SYTL4: variants seen among roughly 807,000 people sequenced by gnomAD.
SYTL4 encodes synaptotagmin like 4.
A neutral mutation model predicts 52.7 loss-of-function variants in SYTL4; 16 were observed. The observed-to-expected ratio is 0.30, with a 90% CI of 0.21 to 0.46. The LOEUF (loss-of-function observed/expected upper bound fraction) is 0.46. SYTL4 is among the 20% of genes least tolerant of loss of function. SYTL4 has a pLI of 1.00. For missense variants in SYTL4, 423 were observed against 519.9 expected, an observed-to-expected ratio of 0.81 and a Z score of 1.81; for synonymous variants, 160 against 186.6, an observed-to-expected ratio of 0.86 and a Z score of 1.16.
At chrX:100,694,031 G>A (rs147457699) in intron 8 of SYTL4, among the ~76,000 whole-genome samples, 2,021 of 112,132 alleles carry the variant, frequency 0.018, 21 homozygotes, top group Non-Finnish European at 0.029. Context: ...GTAAATGGAG[G>A]TGGCTACTTA....
chrX:100,690,336 A>C (rs1434234677), intron 10 of SYTL4, among the ~76,000 whole-genome samples, 171 bp from the exon 11 acceptor site: 1 of 111,810 alleles, frequency 8.9e-6, no homozygotes, highest in Non-Finnish European at 1.9e-5. Flanking sequence ...TTTCTCACAC[A>C]TTTCAAACAA....
chrX:100,698,392 T>C (rs773757153), intron 8 of SYTL4, among the ~76,000 whole-genome samples: 45 of 112,156 alleles, frequency 4.0e-4, no homozygotes, highest in South Asian at 7.7e-4. Context: ...AGTGAGCCAC[T>C]GTGCCCAGCC....
chrX:100,681,576 C>T (rs1429365922), intron 16 of SYTL4, among the ~76,000 whole-genome samples: 1 of 111,685 alleles, frequency 9.0e-6, no homozygotes, highest in Non-Finnish European at 1.9e-5. Flanking sequence ...CACTATTATG[C>T]CACTTTGGGG....
At chrX:100,702,594 T>C (rs1356280813) in intron 4 of SYTL4, among the ~76,000 whole-genome samples, 3 of 112,296 alleles carry the variant, frequency 2.7e-5, no homozygotes, top group Non-Finnish European at 3.8e-5. Flanking sequence ...CTTTCTGCTA[T>C]ACTTCAAAAC....
At chrX:100,722,687 T>TAAATAAATA (rs1277748712) in intron 2 of SYTL4, among the ~76,000 whole-genome samples, 1 of 111,393 alleles carries the variant, frequency 9.0e-6, no homozygotes, top group Non-Finnish European at 1.9e-5. Flanking sequence ...AATAAATAAA[T>TAAATAAATA]AACAGGTCCT....
chrX:100,687,468 T>C, intron 13 of SYTL4: 1 of 390,829 alleles, frequency 2.6e-6, no homozygotes. Context: ...CCTAGCCTCT[T>C]AGCTTCTCTT....
At chrX:100,724,280 C>T (rs1483610918) in intron 2 of SYTL4, among the ~76,000 whole-genome samples, 1 of 105,285 alleles carries the variant, frequency 9.5e-6, no homozygotes, top group Non-Finnish European at 2.0e-5. Flanking sequence ...CCAGCCGCCC[C>T]ATCCGGGAGG....
At chrX:100,685,007 T>C (rs769029468) in intron 16 of SYTL4, 1 of 112,850 alleles carries the variant, frequency 8.9e-6, no homozygotes, top group African/African-American at 3.2e-5. Flanking sequence ...ATAAAAAATT[T>C]CTAGAAGGAT....
intron 8 of SYTL4, among the ~76,000 whole-genome samples, chrX:100,700,381 T>G (rs1192412317): frequency 8.9e-6 from 1 of 112,339 alleles, no homozygotes; most frequent in Non-Finnish European, 1.9e-5. Context: ...AGATTAGCTA[T>G]TCTTTCATTT....
chrX:100,677,272 C>A (rs1259113597), intron 19 of SYTL4, among the ~76,000 whole-genome samples: 1 of 111,562 alleles, frequency 9.0e-6, no homozygotes, highest in Admixed American at 9.6e-5. Context: ...AGCAGAAAGT[C>A]ATTTTGGTTG....
chrX:100,717,074 T>C (rs887788137), intron 2 of SYTL4, among the ~76,000 whole-genome samples: 2 of 111,696 alleles, frequency 1.8e-5, no homozygotes, highest in Non-Finnish European at 3.8e-5. Flanking sequence ...TTTCAGGCCT[T>C]CCAAATCTTA....
chrX:100,724,259 G>C (rs1288807925), intron 2 of SYTL4, among the ~76,000 whole-genome samples: 13 of 92,370 alleles, frequency 1.4e-4, no homozygotes, highest in African/African-American at 3.3e-4. Flanking sequence ...GGGGGTCAGC[G>C]CCCCGCCCGG....
At chrX:100,684,694 C>CTT (rs779207059) in intron 16 of SYTL4, 1 of 94,953 alleles carries the variant, frequency 1.1e-5, no homozygotes, top group African/African-American at 3.8e-5. Context: ...TTCTTTCTTT[C>CTT]TTTTTTTTTT....
chrX:100,724,581 G>A (rs1428277026), intron 2 of SYTL4, among the ~76,000 whole-genome samples: 2 of 101,781 alleles, frequency 2.0e-5, no homozygotes, highest in African/African-American at 7.2e-5. Context: ...CCCCAACCCT[G>A]TGCTCTCTGA....
chrX:100,688,808 G>A (rs911180778), intron 12 of SYTL4, among the ~76,000 whole-genome samples: 1 of 108,711 alleles, frequency 9.2e-6, no homozygotes, highest in Non-Finnish European at 1.9e-5. Flanking sequence ...CAGGTGATCC[G>A]CCTGCCTCGG....
At chrX:100,679,845 A>G (rs2083341170) in intron 17 of SYTL4, among the ~76,000 whole-genome samples, 1 of 111,379 alleles carries the variant, frequency 9.0e-6, no homozygotes, top group African/African-American at 3.3e-5. Flanking sequence ...GACATCATCA[A>G]TTTCAATCCT....
chrX:100,693,618 C>G (rs1602797703), intron 8 of SYTL4, among the ~76,000 whole-genome samples: 1 of 111,641 alleles, frequency 9.0e-6, no homozygotes, highest in East Asian at 2.8e-4. Flanking sequence ...CCTCAACAGC[C>G]AAAATGAGCT....
In SYTL4 at chrX:100,675,917, CACATACACACAT is replaced by C; in HGVS notation, c.*99_*110del. ...ACATACACACACACACACACACACA[CACATACACACAT>C]ACACACATACACATTAAATTATAAA... On this transcript the variant is annotated 3_prime_UTR_variant, in exon 20 of 20. Coordinates refer to ENST00000372989, the MANE Select transcript of SYTL4 (RefSeq NM_001370165.1). The C allele has an allele frequency of 1.5e-6, 1 of 679,443 alleles. No individual in the cohort carries two copies. The highest frequency in any genetic ancestry group is 2.1e-6 in the Non-Finnish European group (1 of 467,653). The allele number at this position is 679,443 out of a possible 1,213,427, so 56.0% of individuals were successfully genotyped here. A position where few individuals can be genotyped will look rare whatever the true frequency, so the allele number is the denominator to read the frequency against.
At chrX:100,698,211 T>C (rs1286350797) in intron 8 of SYTL4, among the ~76,000 whole-genome samples, 1 of 110,562 alleles carries the variant, frequency 9.0e-6, no homozygotes, top group Non-Finnish European at 1.9e-5. Flanking sequence ...CACGCCATTC[T>C]CCTGCCTCAG....
Sources: allele counts gnomAD v4.1 joint callset (sites outside exome capture counted in the v4.1 genomes callset), GRCh38; gene constraint gnomAD v4.1.1; transcripts MANE v1.5; gene names NCBI Gene and HGNC (gene_info 2026-07-23, HGNC 2026-07-21).